The following ZNF148 variants were observed in gnomAD, a reference collection of about 807,000 sequenced individuals.
The protein encoded by ZNF148 is zinc finger protein 148.
Under a neutral mutation model 67.7 loss-of-function variants are expected in ZNF148, and 7 were observed. The observed-to-expected ratio is 0.10, with a 90% confidence interval of 0.06 to 0.19. The LOEUF (loss-of-function observed/expected upper bound fraction) is 0.19. Ranked by LOEUF, ZNF148 falls within the 10% of genes least tolerant of loss-of-function variation. ZNF148 has a pLI of 1.00. For synonymous variants in ZNF148, 333 were observed against 330.7 expected, an observed-to-expected ratio of 1.01 and a Z score of -0.08; for missense variants, 583 against 947.1, an observed-to-expected ratio of 0.62 and a Z score of 5.05.
chr3:125,279,465 T>C (rs1938258198), intron 5 of ZNF148, among the ~76,000 whole-genome samples: 1 of 152,168 alleles, frequency 6.6e-6, no homozygotes, highest in Non-Finnish European at 1.5e-5. Context: ...AATAAAACCT[T>C]GGAAGCTGGT....
At chr3:125,323,019 A>G (rs1287544392) in intron 3 of ZNF148, among the ~76,000 whole-genome samples, 1 of 152,184 alleles carries the variant, frequency 6.6e-6, no homozygotes, top group Non-Finnish European at 1.5e-5. Flanking sequence ...ATAGGGGGTA[A>G]AAAATGCTAT....
intron 7 of ZNF148, among the ~76,000 whole-genome samples, chr3:125,266,295 A>T (rs1579657719): frequency 1.3e-5 from 2 of 152,290 alleles, no homozygotes; most frequent in Non-Finnish European, 2.9e-5. Flanking sequence ...CACACAGAAC[A>T]TATTCTAAGA....
At position 125,323,410 on chromosome 3, in the gene ZNF148, T is replaced by C. The variant is rs1021476700; in HGVS notation, c.-118A>G. On this transcript the variant is annotated 5_prime_UTR_variant, in exon 3 of 9. Transcript: ENST00000360647. ...TACCTTTCATAGGCTTCAGAAATCC[T>C]CAATACCACCTTAATCACTTATGCC... 6 of 695,724 alleles carry C rather than the reference T, an allele frequency of 8.6e-6. No homozygotes were observed. The African/African-American group carries it at 1.1e-4, about 12-fold the overall frequency. The allele number at this position is 695,724 out of a possible 1,614,324, so 43.1% of individuals were successfully genotyped here. A position where few individuals can be genotyped will look rare whatever the true frequency, so the allele number is the denominator to read the frequency against.
rs576600464 is a variant in ZNF148 at position 125,230,806 on chromosome 3, T to A, written c.*1535A>T. Reference sequence around the variant, plus strand: ...ATCAGGATGTGCATTGTGACAACGATGGCAGAAAATTTAAAATGTAAAAAT... The same window carrying A: ...ATCAGGATGTGCATTGTGACAACGAAGGCAGAAAATTTAAAATGTAAAAAT... On this transcript the variant is annotated 3_prime_UTR_variant, in exon 9 of 9. Transcript: ENST00000360647. 2 of 152,264 alleles carry A rather than the reference T, an allele frequency of 1.3e-5. No homozygotes were observed. The highest frequency in any genetic ancestry group is 4.1e-4 in the South Asian group (2 of 4,832). The allele number at this position is 152,264 out of a possible 1,614,324, so 9.4% of individuals were successfully genotyped here. A position where few individuals can be genotyped will look rare whatever the true frequency, so the allele number is the denominator to read the frequency against.
chr3:125,303,690 T>C (rs989771869), intron 4 of ZNF148, among the ~76,000 whole-genome samples: 1 of 151,894 alleles, frequency 6.6e-6, no homozygotes, highest in Admixed American at 6.6e-5. Flanking sequence ...TTATGGTGAG[T>C]TGTATAATTA....
At chr3:125,336,771 G>T (rs1941515745) in intron 1 of ZNF148, among the ~76,000 whole-genome samples, 1 of 133,768 alleles carries the variant, frequency 7.5e-6, no homozygotes, top group Non-Finnish European at 1.5e-5. Flanking sequence ...CCACCTCCCA[G>T]GTTCAAGTGA....
chr3:125,250,694 C>G (rs573425280), intron 7 of ZNF148, among the ~76,000 whole-genome samples: 2 of 152,230 alleles, frequency 1.3e-5, no homozygotes, highest in South Asian at 4.2e-4. Context: ...CCTAAGTTTT[C>G]TGGGGTTTTT....
chr3:125,348,974 C>A (rs1942045177), intron 1 of ZNF148, among the ~76,000 whole-genome samples: 2 of 152,146 alleles, frequency 1.3e-5, no homozygotes. Context: ...TGCCAAGAAT[C>A]CACAACAGGA....
Position 125,233,958 on chromosome 3 carries a change from G to T in ZNF148, c.787-19C>A. On this transcript the variant is annotated intron_variant, in intron 8 of 8. Coordinates refer to ENST00000360647, the MANE Select transcript of ZNF148 (RefSeq NM_021964.3). The surrounding 1 kb of genome is among the most constrained non-coding windows in gnomAD (Gnocchi z 5.1). ...AAAAATACTGTTGAATTCAGAGGAT[G>T]GTAGTGGGTTGTTTGTGGTTTTGGT... 6.4e-7 allele frequency: 1 copy of T among 1,553,722 alleles called. No homozygotes were observed. The highest frequency in any genetic ancestry group is 1.3e-5 in the South Asian group (1 of 79,864).
At chr3:125,275,321 T>C (rs929337895) in intron 7 of ZNF148, among the ~76,000 whole-genome samples, 7 of 152,276 alleles carry the variant, frequency 4.6e-5, no homozygotes, top group African/African-American at 1.7e-4. Flanking sequence ...ACTCCAGCCT[T>C]TGCTTCTACC....
intron 7 of ZNF148, among the ~76,000 whole-genome samples, chr3:125,247,926 C>T (rs998530652): frequency 6.6e-6 from 1 of 152,112 alleles, no homozygotes; most frequent in Admixed American, 6.5e-5. Flanking sequence ...AACAAAAAAA[C>T]CATTGTCCTA....
At chr3:125,273,810 T>C (rs985077554) in intron 7 of ZNF148, among the ~76,000 whole-genome samples, 3 of 152,036 alleles carry the variant, frequency 2.0e-5, no homozygotes, top group Admixed American at 2.0e-4. Flanking sequence ...AACTTCCCTA[T>C]AGAAATAGCT....
chr3:125,345,458 A>G (rs1408371014), intron 1 of ZNF148, among the ~76,000 whole-genome samples: 1 of 152,162 alleles, frequency 6.6e-6, no homozygotes, highest in Non-Finnish European at 1.5e-5. Context: ...TGAATTACCA[A>G]AAGAAACTAA....
intron 7 of ZNF148, among the ~76,000 whole-genome samples, chr3:125,247,138 G>T (rs115126242): frequency 0.011 from 1,698 of 152,194 alleles, 23 homozygotes; most frequent in African/African-American, 0.039. Flanking sequence ...ATTTTTCTGG[G>T]TATCAAACTT....
chr3:125,317,714 T>TA (rs200094699), intron 3 of ZNF148, among the ~76,000 whole-genome samples: 57,350 of 121,156 alleles, frequency 0.47, 13,470 homozygotes, highest in Non-Finnish European at 0.52. Context: ...TATATATATA[T>TA]TTTTTTTTTT....
At chr3:125,352,363 C>T (rs1489410265) in intron 1 of ZNF148, among the ~76,000 whole-genome samples, 1 of 152,106 alleles carries the variant, frequency 6.6e-6, no homozygotes, top group Non-Finnish European at 1.5e-5. Context: ...TGAAAGTAGA[C>T]TAGTAGTTGC....
rs1369642549 is a variant in ZNF148 at position 125,233,368 on chromosome 3, C to T, written c.1358G>A (p.Gly453Glu). ...ACTACTATGCACAGGTTTACTGGGC[C>T]CCTCCTGCAAATTATCAACCTGATC... Reference protein sequence around the residue: ...DIDQVDNLQEGPSKPVHSSTN... With the variant: ...DIDQVDNLQEEPSKPVHSSTN... Residue 453 changes from glycine (G) to glutamate (E), a missense_variant, in exon 9 of 9, where the codon GGG becomes GAG. Physicochemically the swap from Gly to Glu is moderately conservative, Grantham distance 98 (BLOSUM62 -2). Around this residue, in one of 5 missense-constraint regions of ZNF148, gnomAD observed 172 missense variants for 307.7 expected, o/e 0.56. Coordinates refer to ENST00000360647, the MANE Select transcript of ZNF148 (RefSeq NM_021964.3). This position sits in a 1 kb window ranked among gnomAD's most constrained non-coding sequence, Gnocchi z 5.1. 1 of 1,613,762 alleles carries T rather than the reference C, an allele frequency of 6.2e-7. No individual in the cohort carries two copies. The highest frequency in any genetic ancestry group is 1.3e-5 in the African/African-American group (1 of 74,860).
chr3:125,234,254 G>A lies in ZNF148; in HGVS notation c.743C>T (p.Thr248Ile). The A allele has an allele frequency of 6.2e-7, 1 of 1,611,804 alleles. No homozygotes were observed. Among genetic ancestry groups the A allele is most frequent in the Non-Finnish European group, 8.5e-7 (1 of 1,178,752 alleles). ...CTGGTAAGGTTTTTCTCCACTATGA[G>A]TTCTCTTATGCCTTTCCATATGATA... ...QKYHMERHKR[T>I]HSGEKPYQCE... The change falls in exon 8 of 9, where the codon ACT becomes ATT. Residue 248 changes from threonine (T) to isoleucine (I), a missense_variant. Transcript: ENST00000360647.
Position 125,229,754 on chromosome 3 carries a change from A to G in ZNF148, c.*2587T>C, listed in dbSNP as rs1012108460. 8 of 152,164 alleles carry G rather than the reference A, an allele frequency of 5.3e-5. No individual in the cohort carries two copies. Among genetic ancestry groups the G allele is most frequent in the Admixed American group, 2.0e-4 (3 of 15,270 alleles). 9.4% of individuals were successfully genotyped at this position (152,164 alleles called of 1,614,324 possible). ...ATGTTTCAATCTGAAGCAGCACACA[A>G]GGCTACTTATTTTCTCCATTAATGC... On this transcript the variant is annotated 3_prime_UTR_variant, in exon 9 of 9. Coordinates refer to ENST00000360647, the MANE Select transcript of ZNF148 (RefSeq NM_021964.3).
Sources: allele counts gnomAD v4.1 joint callset (sites outside exome capture counted in the v4.1 genomes callset), GRCh38; gene constraint gnomAD v4.1.1; regional missense constraint gnomAD v4.1.1; non-coding constraint Gnocchi (gnomAD v3.1); transcripts MANE v1.5; gene names NCBI Gene and HGNC (gene_info 2026-07-23, HGNC 2026-07-21).